Variants in EPHA6 observed in about 807,000 individuals in gnomAD.
The protein encoded by EPHA6 is ephrin type-A receptor 6.
EPHA6 carries 50 observed loss-of-function variants against 112.0 expected under a neutral mutation model. That is an observed-to-expected ratio of 0.45 (90% CI 0.36 to 0.56). The LOEUF (loss-of-function observed/expected upper bound fraction) is 0.56, where lower values mean the gene tolerates loss of function less well. Ranked by LOEUF, EPHA6 falls within the 20% of genes least tolerant of loss-of-function variation. The probability of loss-of-function intolerance (pLI) is 0.00; values close to 1 mark genes in which losing one functional copy is unlikely to be tolerated. For missense variants in EPHA6, 1,280 were observed against 1,417.4 expected (o/e 0.90, Z 1.56); for synonymous variants, 529 against 490.7 (o/e 1.08, Z -1.03).
At chr3:96,973,486 A>G (rs749527188) in intron 2 of EPHA6, among the ~76,000 whole-genome samples, 1 of 152,212 alleles carries the variant, frequency 6.6e-6, no homozygotes, top group Admixed American at 6.5e-5. Context: ...ATAAATATCT[A>G]TATCATTATA....
chr3:97,384,121 T>G (rs1262569511), intron 5 of EPHA6, among the ~76,000 whole-genome samples: 1 of 152,224 alleles, frequency 6.6e-6, no homozygotes, highest in Non-Finnish European at 1.5e-5. Flanking sequence ...ATGACTATTA[T>G]AATGTTTATT....
At chr3:96,886,025 C>A (rs555814077) in intron 2 of EPHA6, among the ~76,000 whole-genome samples, 3 of 152,230 alleles carry the variant, frequency 2.0e-5, no homozygotes, top group African/African-American at 7.2e-5. Context: ...TGTGTATTTG[C>A]ATGTTTTTGA....
chr3:97,672,400 A>G (rs1576256213), intron 14 of EPHA6, among the ~76,000 whole-genome samples: 2 of 152,154 alleles, frequency 1.3e-5, no homozygotes, highest in East Asian at 3.9e-4. Flanking sequence ...CTGAAAAATT[A>G]GTGGTTTTGT....
intron 14 of EPHA6, among the ~76,000 whole-genome samples, chr3:97,707,385 G>T (rs985551992): frequency 6.6e-6 from 1 of 152,146 alleles, no homozygotes; most frequent in Admixed American, 6.5e-5. Context: ...ATAATAGTAC[G>T]TAGAGGTTAC....
intron 11 of EPHA6, among the ~76,000 whole-genome samples, chr3:97,578,749 C>A (rs1262011382): frequency 6.6e-6 from 1 of 152,038 alleles, no homozygotes; most frequent in Non-Finnish European, 1.5e-5. Context: ...ATTATTCTTA[C>A]TTTTTTAACT....
intron 11 of EPHA6, among the ~76,000 whole-genome samples, chr3:97,549,150 T>C (rs2092996632): frequency 6.6e-6 from 1 of 152,226 alleles, no homozygotes; most frequent in African/African-American, 2.4e-5. Flanking sequence ...TTTCAGAGTG[T>C]ACTCCTATTT....
At chr3:97,592,031 T>C (rs564155605) in intron 11 of EPHA6, among the ~76,000 whole-genome samples, 1 of 152,322 alleles carries the variant, frequency 6.6e-6, no homozygotes, top group African/African-American at 2.4e-5. Context: ...TGAAAAAGCA[T>C]GTGGTTTTAC....
intron 5 of EPHA6, among the ~76,000 whole-genome samples, chr3:97,290,995 C>A (rs2080661840): frequency 6.6e-6 from 1 of 152,008 alleles, no homozygotes; most frequent in Non-Finnish European, 1.5e-5. Context: ...CACTTGAAGT[C>A]TTTCTACTCT....
intron 7 of EPHA6, among the ~76,000 whole-genome samples, chr3:97,467,259 A>AT (rs958538583): frequency 1.3e-4 from 20 of 151,482 alleles, no homozygotes; most frequent in Non-Finnish European, 2.1e-4. Flanking sequence ...AATTATTTAG[A>AT]TTTTTTTTCT....
chr3:97,552,302 A>C (rs1034685129), intron 11 of EPHA6, among the ~76,000 whole-genome samples: 2 of 152,144 alleles, frequency 1.3e-5, no homozygotes, highest in African/African-American at 4.8e-5. Flanking sequence ...TGCTACAGAA[A>C]AAATCTTAAT....
chr3:97,162,446 C>T (rs1036412659), intron 3 of EPHA6, among the ~76,000 whole-genome samples: 1 of 152,076 alleles, frequency 6.6e-6, no homozygotes, highest in Non-Finnish European at 1.5e-5. Context: ...TCCAGTGGAC[C>T]AACTATGGGA....
chr3:97,039,126 A>G (rs1265924253), intron 3 of EPHA6, among the ~76,000 whole-genome samples: 1 of 152,086 alleles, frequency 6.6e-6, no homozygotes, highest in Non-Finnish European at 1.5e-5. Flanking sequence ...TCAACAACAT[A>G]GACAAAATAT....
At chr3:97,171,412 G>A (rs941479603) in intron 3 of EPHA6, among the ~76,000 whole-genome samples, 8 of 151,934 alleles carry the variant, frequency 5.3e-5, no homozygotes, top group African/African-American at 1.9e-4. Context: ...CTAGGGGGGA[G>A]GAAGAGGGAC....
chr3:97,582,937 G>A (rs751655918), intron 11 of EPHA6, among the ~76,000 whole-genome samples: 4 of 151,652 alleles, frequency 2.6e-5, no homozygotes, highest in Non-Finnish European at 4.4e-5. Context: ...ATGAGAAAGC[G>A]ACAATGTGAT....
At chr3:96,967,862 T>G (rs1361276859) in intron 2 of EPHA6, among the ~76,000 whole-genome samples, 1 of 151,914 alleles carries the variant, frequency 6.6e-6, no homozygotes, top group East Asian at 1.9e-4. Flanking sequence ...GCAGCTAACA[T>G]GTAGACGGCA....
At chr3:97,605,146 G>A (rs2093671288) in intron 12 of EPHA6, among the ~76,000 whole-genome samples, 1 of 151,404 alleles carries the variant, frequency 6.6e-6, no homozygotes, top group African/African-American at 2.4e-5. Context: ...GAAATTCATA[G>A]GAGAGTTTAC....
intron 13 of EPHA6, among the ~76,000 whole-genome samples, chr3:97,635,433 T>A (rs936802601): frequency 6.6e-6 from 1 of 152,034 alleles, no homozygotes; most frequent in African/African-American, 2.4e-5. Flanking sequence ...ATCCATCAAC[T>A]GATGAATACA....
chr3:97,637,411 A>G lies in EPHA6; in HGVS notation c.2575-462A>G, dbSNP rs2107556076. ...TTTTCCTGAGTCACCTGTCCTGACTACTATTTTTCACAGTATCTCCAGTTA... is the reference window on the plus strand; with the variant it reads ...TTTTCCTGAGTCACCTGTCCTGACTGCTATTTTTCACAGTATCTCCAGTTA... On this transcript the variant is annotated intron_variant, in intron 13 of 17. Transcript: ENST00000389672. 1.3e-5 allele frequency among the ~76,000 whole-genome samples: 2 copies of G among 151,982 alleles called. 1 individual carries two copies. The highest frequency in any genetic ancestry group is 6.8e-3 in the Middle Eastern group (2 of 294).
chr3:97,619,576 A>G (rs533283054), intron 13 of EPHA6, among the ~76,000 whole-genome samples: 30 of 152,204 alleles, frequency 2.0e-4, no homozygotes, highest in Admixed American at 1.3e-3. Context: ...AACTCTCAGG[A>G]TACAAAATCA....
Sources: allele counts gnomAD v4.1 joint callset (sites outside exome capture counted in the v4.1 genomes callset), GRCh38; gene constraint gnomAD v4.1.1; transcripts MANE v1.5; gene names NCBI Gene and HGNC (gene_info 2026-07-23, HGNC 2026-07-21).